CEP112: variants seen among roughly 807,000 people sequenced by gnomAD.
The protein encoded by CEP112 is centrosomal protein of 112 kDa.
CEP112 carries 127 observed loss-of-function variants against 153.0 expected under a neutral mutation model. The ratio of observed to expected loss-of-function variants is 0.83; its 90% CI spans 0.72 to 0.96. The LOEUF (loss-of-function observed/expected upper bound fraction) is 0.96, where lower values mean the gene tolerates loss of function less well. Ranked by LOEUF, CEP112 falls within the 40% of genes least tolerant of loss-of-function variation. The pLI is 0.00. For synonymous variants in CEP112, 358 were observed against 374.4 expected, an observed-to-expected ratio of 0.96 and a Z score of 0.51; for missense variants, 1,089 against 1,101.2, an observed-to-expected ratio of 0.99 and a Z score of 0.16.
intron 23 of CEP112, among the ~76,000 whole-genome samples, chr17:65,724,964 T>TATTCTTCTCCCTTCCTGCCCC (rs1371457638): frequency 4.6e-5 from 7 of 152,168 alleles, no homozygotes; most frequent in Non-Finnish European, 1.0e-4. Flanking sequence ...TTCCTTGCCC[T>TATTCTTCTCCCTTCCTGCCCC]CTTCTTCTCC....
chr17:66,135,704 C>T (rs2070402942), intron 4 of CEP112, among the ~76,000 whole-genome samples: 1 of 152,090 alleles, frequency 6.6e-6, no homozygotes, highest in Non-Finnish European at 1.5e-5. Flanking sequence ...ATAAATTTTC[C>T]CTTTCACTTT....
At chr17:65,942,715 T>C (rs1399788592) in intron 18 of CEP112, among the ~76,000 whole-genome samples, 1 of 152,206 alleles carries the variant, frequency 6.6e-6, no homozygotes. Context: ...AGTAAGAGTA[T>C]AGTTTTAAAA....
intron 17 of CEP112, among the ~76,000 whole-genome samples, chr17:65,994,747 C>T (rs752083348): frequency 2.6e-5 from 4 of 152,170 alleles, no homozygotes; most frequent in African/African-American, 4.8e-5. Context: ...AAAGAACACA[C>T]TCATGGCACT....
At chr17:65,899,977 G>C (rs1329522990) in intron 20 of CEP112, among the ~76,000 whole-genome samples, 1 of 152,052 alleles carries the variant, frequency 6.6e-6, no homozygotes, top group Non-Finnish European at 1.5e-5. Context: ...AATGAATTTA[G>C]AACTTAAAAG....
rs1021149563 is a variant in CEP112, at chr17:66,192,011, C to G, written c.-23G>C. ...AAAACGAGAACCTGGCACCACCACA[C>G]GCAAGCTTTCCGCTCGGCCGCTGCC... On this transcript the variant is annotated 5_prime_UTR_variant, in exon 1 of 27. Coordinates refer to ENST00000535342, the MANE Select transcript of CEP112 (RefSeq NM_001199165.4). 1.3e-5 allele frequency: 2 copies of G among 154,216 alleles called. No homozygotes were observed. The highest frequency in any genetic ancestry group is 4.8e-5 in the African/African-American group (2 of 41,428). The allele number at this position is 154,216 out of a possible 1,614,324, so 9.6% of individuals were successfully genotyped here. A position where few individuals can be genotyped will look rare whatever the true frequency, so the allele number is the denominator to read the frequency against.
At chr17:65,681,915 A>C (rs990846635) in intron 24 of CEP112, among the ~76,000 whole-genome samples, 1 of 151,938 alleles carries the variant, frequency 6.6e-6, no homozygotes, top group Non-Finnish European at 1.5e-5. Flanking sequence ...CCTGGGCTCA[A>C]GCAGCCTGCT....
intron 23 of CEP112, among the ~76,000 whole-genome samples, chr17:65,698,522 C>A (rs2048464386): frequency 1.3e-5 from 2 of 152,156 alleles, no homozygotes; most frequent in African/African-American, 2.4e-5. Context: ...CATGTTATTT[C>A]AAGACTTTGA....
chr17:65,903,403 T>C (rs192351295), intron 19 of CEP112: 1 of 152,336 alleles, frequency 6.6e-6, no homozygotes, highest in Non-Finnish European at 1.5e-5. Context: ...TCTCCAGGCA[T>C]GCACACTGCA....
intron 19 of CEP112, among the ~76,000 whole-genome samples, chr17:65,924,272 G>A (rs900513928): frequency 3.3e-5 from 5 of 152,088 alleles, no homozygotes; most frequent in South Asian, 2.1e-4. Flanking sequence ...CACCGTGCCC[G>A]GCCAGCATAA....
intron 19 of CEP112, among the ~76,000 whole-genome samples, chr17:65,922,200 T>TA (rs759527675): frequency 1.3e-5 from 2 of 152,194 alleles, no homozygotes; most frequent in Non-Finnish European, 2.9e-5. Flanking sequence ...ACGATGTTTC[T>TA]ACATGGCTGT....
chr17:65,668,926 C>T (rs1428361784), intron 24 of CEP112, among the ~76,000 whole-genome samples: 1 of 152,196 alleles, frequency 6.6e-6, no homozygotes, highest in Non-Finnish European at 1.5e-5. Flanking sequence ...CTTGCCCTCC[C>T]CATCTAATGC....
chr17:65,881,734 T>C (rs2059084006), intron 20 of CEP112, among the ~76,000 whole-genome samples: 1 of 152,204 alleles, frequency 6.6e-6, no homozygotes, highest in South Asian at 2.1e-4. Flanking sequence ...CTCTAAATAC[T>C]GAATTTAGTT....
intron 20 of CEP112, among the ~76,000 whole-genome samples, chr17:65,881,281 G>A (rs1236354689): frequency 6.6e-6 from 1 of 152,024 alleles, no homozygotes; most frequent in Non-Finnish European, 1.5e-5. Flanking sequence ...AACGCTCTCT[G>A]GAACATGGAG....
intron 21 of CEP112, among the ~76,000 whole-genome samples, chr17:65,816,580 C>G: frequency 6.6e-6 from 1 of 151,932 alleles, no homozygotes; most frequent in Middle Eastern, 3.4e-3. Flanking sequence ...CTTTTTTAGT[C>G]TTAATATAGT....
intron 17 of CEP112, among the ~76,000 whole-genome samples, chr17:66,005,153 A>G (rs2064219645): frequency 6.6e-6 from 1 of 152,226 alleles, no homozygotes; most frequent in African/African-American, 2.4e-5. Context: ...GCAAGGTCAA[A>G]CCTAGTAATA....
chr17:65,733,270 T>G (rs1008615648), intron 23 of CEP112, among the ~76,000 whole-genome samples: 1 of 152,166 alleles, frequency 6.6e-6, no homozygotes, highest in Admixed American at 6.6e-5. Flanking sequence ...CTCCCATGGG[T>G]GCAGTTTGTG....
intron 6 of CEP112, among the ~76,000 whole-genome samples, chr17:66,127,136 C>T (rs903875595): frequency 2.0e-5 from 3 of 152,130 alleles, no homozygotes; most frequent in African/African-American, 7.2e-5. Context: ...CCTAGACAGA[C>T]CTACTTTTAA....
intron 6 of CEP112, among the ~76,000 whole-genome samples, chr17:66,109,560 C>T (rs1338842100): frequency 6.6e-6 from 1 of 151,654 alleles, no homozygotes; most frequent in Non-Finnish European, 1.5e-5. Context: ...CTGCATAATT[C>T]CTAGATAAAC....
At chr17:65,813,493 C>G (rs1307252642) in intron 21 of CEP112, among the ~76,000 whole-genome samples, 2 of 152,184 alleles carry the variant, frequency 1.3e-5, no homozygotes, top group Non-Finnish European at 2.9e-5. Context: ...TCTGAGCCAA[C>G]AGATGGTTGG....
Sources: gnomAD v4.1 joint callset for allele counts (sites outside exome capture counted in the v4.1 genomes callset) on GRCh38, gnomAD v4.1.1 for gene constraint, MANE v1.5 for transcripts, NCBI Gene and HGNC (gene_info 2026-07-23, HGNC 2026-07-21) for gene names.